MAML3: variants seen among roughly 807,000 people sequenced by gnomAD.
MAML3 encodes mastermind-like protein 3.
In MAML3, 27 loss-of-function variants were observed where a neutral mutation model predicts 101.9. The observed-to-expected ratio is 0.27, with a 90% CI of 0.20 to 0.37. The LOEUF (loss-of-function observed/expected upper bound fraction) is 0.37, where lower values mean the gene tolerates loss of function less well. Ranked by LOEUF, MAML3 falls within the 10% of genes least tolerant of loss-of-function variation. MAML3 has a pLI of 1.00. For missense variants in MAML3, 1,316 were observed against 1,444.9 expected (o/e 0.91, Z 1.45); for synonymous variants, 501 against 555.9 (o/e 0.90, Z 1.39).
chr4:139,953,951 G>A (rs746376143), intron 1 of MAML3, among the ~76,000 whole-genome samples: 9 of 152,134 alleles, frequency 5.9e-5, no homozygotes, highest in Non-Finnish European at 1.0e-4. Flanking sequence ...CTAAATGTAG[G>A]TACCACAAGT....
intron 2 of MAML3, among the ~76,000 whole-genome samples, chr4:139,845,852 A>G (rs1731434349): frequency 2.0e-5 from 3 of 152,238 alleles, no homozygotes; most frequent in Admixed American, 6.5e-5. Context: ...TTTGCTCAAC[A>G]GATTGAATCT....
intron 1 of MAML3, among the ~76,000 whole-genome samples, chr4:140,006,197 T>C (rs1726440663): frequency 6.6e-6 from 1 of 152,144 alleles, no homozygotes; most frequent in Non-Finnish European, 1.5e-5. Flanking sequence ...GTCTTGTTCC[T>C]AATTCGAGGG....
chr4:140,088,176 C>A (rs112660262), intron 1 of MAML3, among the ~76,000 whole-genome samples: 21 of 152,046 alleles, frequency 1.4e-4, no homozygotes, highest in African/African-American at 4.3e-4. Flanking sequence ...TACGATCTCA[C>A]CACTGCACTC....
intron 1 of MAML3, among the ~76,000 whole-genome samples, chr4:140,016,050 TA>T (rs969997165): frequency 9.0e-4 from 136 of 150,958 alleles, no homozygotes; most frequent in African/African-American, 2.9e-3. Flanking sequence ...AAGAGATCTT[TA>T]AAAAAAAAGG....
At chr4:140,056,596 C>A (rs1422638269) in intron 1 of MAML3, among the ~76,000 whole-genome samples, 1 of 151,964 alleles carries the variant, frequency 6.6e-6, no homozygotes, top group Non-Finnish European at 1.5e-5. Context: ...CACCTGAGAT[C>A]AGGATTTCGA....
chr4:139,861,493 G>GTGTT (rs1037459491), intron 2 of MAML3, among the ~76,000 whole-genome samples: 1 of 151,878 alleles, frequency 6.6e-6, no homozygotes, highest in Non-Finnish European at 1.5e-5. Flanking sequence ...GTGTGTGTGT[G>GTGTT]TGTGTGTGTG....
At chr4:139,921,413 A>C (rs1400074093) in intron 1 of MAML3, among the ~76,000 whole-genome samples, 1 of 152,118 alleles carries the variant, frequency 6.6e-6, no homozygotes, top group Non-Finnish European at 1.5e-5. Context: ...GTTTTCTCAC[A>C]GCCTTCTTTC....
intron 2 of MAML3, among the ~76,000 whole-genome samples, chr4:139,746,090 G>T (rs1451234804): frequency 2.6e-5 from 4 of 152,176 alleles, no homozygotes; most frequent in Non-Finnish European, 5.9e-5. Flanking sequence ...CATAACAAAT[G>T]TGATAACTAA....
intron 2 of MAML3, among the ~76,000 whole-genome samples, chr4:139,876,889 A>C (rs1015930090): frequency 1.1e-4 from 17 of 152,306 alleles, no homozygotes; most frequent in African/African-American, 4.1e-4. Context: ...ACTAACTTCC[A>C]CATGGCACTG....
At chr4:139,847,011 T>C (rs1168588600) in intron 2 of MAML3, among the ~76,000 whole-genome samples, 3 of 152,184 alleles carry the variant, frequency 2.0e-5, no homozygotes, top group Admixed American at 2.0e-4. Context: ...ATTTTCCGAA[T>C]CTATGAGAAG....
chr4:140,085,532 C>T (rs992997936), intron 1 of MAML3, among the ~76,000 whole-genome samples: 3 of 152,200 alleles, frequency 2.0e-5, no homozygotes, highest in Non-Finnish European at 4.4e-5. Context: ...TAGATACCTG[C>T]ACTGGTTCCT....
At chr4:139,943,146 G>C (rs1733638054) in intron 1 of MAML3, among the ~76,000 whole-genome samples, 2 of 152,128 alleles carry the variant, frequency 1.3e-5, no homozygotes, top group South Asian at 4.1e-4. Flanking sequence ...TTAAAATATA[G>C]GATTGTTTTG....
At chr4:140,109,054 C>G (rs1728398873) in intron 1 of MAML3, among the ~76,000 whole-genome samples, 1 of 152,126 alleles carries the variant, frequency 6.6e-6, no homozygotes, top group South Asian at 2.1e-4. Context: ...CTTGTTGAGA[C>G]AAAGCACCAC....
At chr4:140,028,467 T>C (rs1013151921) in intron 1 of MAML3, among the ~76,000 whole-genome samples, 1 of 152,208 alleles carries the variant, frequency 6.6e-6, no homozygotes, top group African/African-American at 2.4e-5. Flanking sequence ...TCTCTCTCTC[T>C]CTTTCTCATT....
At chr4:140,033,311 T>C (rs1416272292) in intron 1 of MAML3, among the ~76,000 whole-genome samples, 1 of 152,090 alleles carries the variant, frequency 6.6e-6, no homozygotes, top group East Asian at 1.9e-4. Flanking sequence ...AATTTCCAAA[T>C]ACAAAATGTA....
chr4:140,098,508 G>A (rs1339423417), intron 1 of MAML3, among the ~76,000 whole-genome samples: 1 of 152,232 alleles, frequency 6.6e-6, no homozygotes, highest in Non-Finnish European at 1.5e-5. Flanking sequence ...ACCAAAGGGA[G>A]AAGCCAGATT....
intron 2 of MAML3, among the ~76,000 whole-genome samples, chr4:139,781,510 T>C (rs771682012): frequency 2.8e-4 from 25 of 89,014 alleles, no homozygotes; most frequent in Non-Finnish European, 5.0e-4. Flanking sequence ...AGCATTTTCA[T>C]ATATATATAT....
rs1728057243 is a variant in MAML3 at position 139,717,928 on chromosome 4, A to C, written c.*1395T>G. On this transcript the variant is annotated 3_prime_UTR_variant, in exon 5 of 5. Coordinates refer to ENST00000509479, the MANE Select transcript of MAML3 (RefSeq NM_018717.5). ...CAATTGCAGAGAACAACTGTACAGG[A>C]CTTTGGAAGAGGACTACTTTGCCCA... The C allele has an allele frequency of 6.6e-6, 1 of 152,174 alleles. No homozygotes were observed. The highest frequency in any genetic ancestry group is 6.5e-5 in the Admixed American group (1 of 15,278). The allele number at this position is 152,174 out of a possible 1,614,324, so 9.4% of individuals were successfully genotyped here.
intron 1 of MAML3, among the ~76,000 whole-genome samples, chr4:140,072,186 A>G (rs1225859123): frequency 6.6e-6 from 1 of 152,174 alleles, no homozygotes; most frequent in Admixed American, 6.5e-5. Flanking sequence ...CTCCGTATTC[A>G]TGGATTCTGC....
Sources: gnomAD v4.1 joint callset for allele counts (sites outside exome capture counted in the v4.1 genomes callset) on GRCh38, gnomAD v4.1.1 for gene constraint, MANE v1.5 for transcripts, NCBI Gene and HGNC (gene_info 2026-07-23, HGNC 2026-07-21) for gene names.